The following NDUFAF4 variants were observed in gnomAD, a reference collection of about 807,000 sequenced individuals.
NDUFAF4 encodes the protein NADH:ubiquinone oxidoreductase complex assembly factor 4, also known as NADH dehydrogenase [ubiquinone] 1 alpha subcomplex assembly factor 4.
Under a neutral mutation model 15.6 loss-of-function variants are expected in NDUFAF4, and 10 were observed. That is an observed-to-expected ratio of 0.64 (90% confidence interval 0.40 to 1.09). NDUFAF4 has a LOEUF of 1.09. NDUFAF4 is among the 50% of genes least tolerant of loss of function. The probability of loss-of-function intolerance (pLI) is 0.01; values close to 1 mark genes in which losing one functional copy is unlikely to be tolerated. For missense variants in NDUFAF4, 203 were observed against 207.3 expected (o/e 0.98, Z 0.13); for synonymous variants, 77 against 73.3 (o/e 1.05, Z -0.26).
chr6:96,893,660 A>C (rs1282272626), intron 2 of NDUFAF4, among the ~76,000 whole-genome samples: 2 of 152,092 alleles, frequency 1.3e-5, no homozygotes, highest in Non-Finnish European at 1.5e-5. Flanking sequence ...TCTAATTAAT[A>C]GTCAATACTA....
chr6:96,893,669 T>C (rs1775339981), intron 2 of NDUFAF4, among the ~76,000 whole-genome samples: 1 of 148,076 alleles, frequency 6.8e-6, no homozygotes, highest in African/African-American at 2.5e-5. Context: ...TAGTCAATAC[T>C]AAAATAAATA....
In NDUFAF4 at chr6:96,890,256, G is replaced by C. The variant is rs1417174273; in HGVS notation, c.*848C>G. 1.3e-5 allele frequency: 2 copies of C among 151,942 alleles called. No individual in the cohort carries two copies. Among genetic ancestry groups the C allele is most frequent in the African/African-American group, 4.8e-5 (2 of 41,328 alleles). The allele number at this position is 151,942 out of a possible 1,614,324, so 9.4% of individuals were successfully genotyped here. A position where few individuals can be genotyped will look rare whatever the true frequency, so the allele number is the denominator to read the frequency against. On this transcript the variant is annotated 3_prime_UTR_variant, in exon 3 of 3. Transcript: ENST00000316149. ...CTTCTCTCAACTAGCATTAACATCC[G>C]AAACTATATGTAATCACCAAATTTC... is the stretch of plus-strand genomic sequence containing the variant.
intron 1 of NDUFAF4, among the ~76,000 whole-genome samples, 156 bp downstream of exon 1, chr6:96,897,510 G>T (rs1007733802): frequency 6.6e-6 from 1 of 151,842 alleles, no homozygotes; most frequent in Non-Finnish European, 1.5e-5. Flanking sequence ...AATGTCACCG[G>T]CCTGGCGGCT....
intron 2 of NDUFAF4, among the ~76,000 whole-genome samples, chr6:96,893,324 A>G (rs1775336529): frequency 6.6e-6 from 1 of 152,152 alleles, no homozygotes; most frequent in African/African-American, 2.4e-5. Flanking sequence ...ATCACTTTTG[A>G]CCATTAACTC....
At chr6:96,896,624 G>GTA in intron 2 of NDUFAF4, 120 bp downstream of exon 2, 1 of 832,258 alleles carries the variant, frequency 1.2e-6, no homozygotes, top group South Asian at 1.4e-5. Context: ...GCCAAGGCGT[G>GTA]TAGATTGATC....
intron 1 of NDUFAF4, among the ~76,000 whole-genome samples, chr6:96,897,291 G>T (rs1258768750): frequency 6.6e-6 from 1 of 152,112 alleles, no homozygotes; most frequent in Non-Finnish European, 1.5e-5. Flanking sequence ...ACTTTAGATG[G>T]AAATCAAAAT....
intron 2 of NDUFAF4, among the ~76,000 whole-genome samples, chr6:96,895,276 C>T (rs138698206): frequency 3.4e-4 from 51 of 152,144 alleles, no homozygotes; most frequent in African/African-American, 1.2e-3. Context: ...TATTCCTTTA[C>T]CACAAAAGGC....
Position 96,896,273 on chromosome 6 carries a change from C to T in NDUFAF4, c.240+471G>A, listed in dbSNP as rs138244102. The stretch of plus-strand genomic sequence containing the variant: ...CCCATTCCTAATGTATTCTTTGATC[C>T]TTCTAATTTTAAATATCCTATCTGA... On this transcript the variant is annotated intron_variant, in intron 2 of 2. Transcript: ENST00000316149. The T allele has an allele frequency of 1.4e-3, 244 of 178,068 alleles. 1 individual carries two copies. Among genetic ancestry groups the T allele is most frequent in the African/African-American group, 5.4e-3 (224 of 41,828 alleles). The allele number at this position is 178,068 out of a possible 1,614,324, so 11.0% of individuals were successfully genotyped here. A position where few individuals can be genotyped will look rare whatever the true frequency, so the allele number is the denominator to read the frequency against.
At chr6:96,892,869 T>C (rs947534766) in intron 2 of NDUFAF4, among the ~76,000 whole-genome samples, 1 of 152,130 alleles carries the variant, frequency 6.6e-6, no homozygotes, top group African/African-American at 2.4e-5. Flanking sequence ...TAACTTCCAT[T>C]ACTGCCTACA....
In NDUFAF4 at chr6:96,897,357, G is replaced by A. The variant is rs7771745; in HGVS notation, c.136+309C>T. 0.28 allele frequency among the ~76,000 whole-genome samples: 43,034 copies of A among 152,184 alleles called. 6,135 individuals carry two copies. The highest frequency in any genetic ancestry group is 0.32 in the South Asian group (1,533 of 4,828). On this transcript the variant is annotated intron_variant, in intron 1 of 2. Transcript: ENST00000316149. The stretch of plus-strand genomic sequence containing the variant: ...TGAAGACCCCTAGAGAAAGCTCTGT[G>A]ACCCTCTCGGATTTTGATTCCCTGT...
Position 96,891,233 on chromosome 6 carries a change from C to A in NDUFAF4, c.399G>T (p.Trp133Cys), listed in dbSNP as rs781699972. 40 of 1,613,504 alleles carry A rather than the reference C, an allele frequency of 2.5e-5. No individual in the cohort carries two copies. The highest frequency in any genetic ancestry group is 3.2e-5 in the Non-Finnish European group (38 of 1,179,780). ...ATTCCTGCATTATTTTCTCAGCAGT[C>A]CAGGTTTCTGGGAAAAGCTTATGAT... ...LNNHKLFPET[W>C]TAEKIMQEYQ... The change falls in exon 3 of 3, where the codon TGG becomes TGT. Residue 133 changes from tryptophan (W) to cysteine (C), a missense_variant. Transcript: ENST00000316149.
At chr6:96,894,426 C>T (rs1775347352) in intron 2 of NDUFAF4, among the ~76,000 whole-genome samples, 1 of 152,090 alleles carries the variant, frequency 6.6e-6, no homozygotes, top group Non-Finnish European at 1.5e-5. Context: ...TAAAGTGCTT[C>T]CTTCAAGTGA....
chr6:96,897,852 C>G lies in NDUFAF4; in HGVS notation c.-51G>C. ...TTCAGGCCGCACGTGGGAACACCGGCGCAGGACAACTCCGGGACACCCGGA... is the reference window on the plus strand; with the variant it reads ...TTCAGGCCGCACGTGGGAACACCGGGGCAGGACAACTCCGGGACACCCGGA... On this transcript the variant is annotated 5_prime_UTR_variant, in exon 1 of 3. Transcript: ENST00000316149. 1.2e-6 allele frequency: 2 copies of G among 1,612,584 alleles called. No homozygotes were observed. Among genetic ancestry groups the G allele is most frequent in the Non-Finnish European group, 1.7e-6 (2 of 1,179,282 alleles).
rs1775301770 is a variant in NDUFAF4 at position 96,890,529 on chromosome 6, T to C, written c.*575A>G. 6.6e-6 allele frequency: 1 copy of C among 152,442 alleles called. No homozygotes were observed. The highest frequency in any genetic ancestry group is 1.5e-5 in the Non-Finnish European group (1 of 68,262). The allele number at this position is 152,442 out of a possible 1,614,324, so 9.4% of individuals were successfully genotyped here. A position where few individuals can be genotyped will look rare whatever the true frequency, so the allele number is the denominator to read the frequency against. Reference sequence around the variant, plus strand: ...CAATTATTCCATACTTAAAACCAATTCAAAATAAAATAAATCCTCAATACT... The same window carrying C: ...CAATTATTCCATACTTAAAACCAATCCAAAATAAAATAAATCCTCAATACT... On this transcript the variant is annotated 3_prime_UTR_variant, in exon 3 of 3. Coordinates refer to ENST00000316149, the MANE Select transcript of NDUFAF4 (RefSeq NM_014165.4).
chr6:96,892,547 G>C (rs947566017), intron 2 of NDUFAF4, among the ~76,000 whole-genome samples: 4 of 152,058 alleles, frequency 2.6e-5, no homozygotes, highest in Admixed American at 1.3e-4. Flanking sequence ...AAGAAATAAT[G>C]CTTGCTATCT....
rs752351676 is a variant in NDUFAF4, at chr6:96,896,863, A to C, written c.137-16T>G. On this transcript the variant is annotated splice_polypyrimidine_tract_variant and intron_variant, in intron 1 of 2. Coordinates refer to ENST00000316149, the MANE Select transcript of NDUFAF4 (RefSeq NM_014165.4). ...TCTGGATAGACTAAGGAAAGGAAAA[A>C]AGTCACAATATTAAAATCAAGGAAA... 2 of 1,566,750 alleles carry C rather than the reference A, an allele frequency of 1.3e-6. No individual in the cohort carries two copies. The highest frequency in any genetic ancestry group is 1.4e-5 in the African/African-American group (1 of 74,030).
intron 1 of NDUFAF4, among the ~76,000 whole-genome samples, chr6:96,897,311 G>C (rs957219710): frequency 1.3e-5 from 2 of 152,164 alleles, no homozygotes; most frequent in African/African-American, 4.8e-5. Flanking sequence ...TTCCAGGTCA[G>C]GCTCTGCGTC....
chr6:96,897,774 T>C lies in NDUFAF4; in HGVS notation c.28A>G (p.Arg10Gly), dbSNP rs1477782607. 6.2e-7 allele frequency: 1 copy of C among 1,614,200 alleles called. No individual in the cohort carries two copies. The highest frequency in any genetic ancestry group is 8.5e-7 in the Non-Finnish European group (1 of 1,180,004). The part of the protein sequence containing the change: MGALVIRGI[R>G]NFNLENRAER... ...GCTCGGTTCTCTAGGTTGAAATTCC[T>C]GATACCGCGAATCACTAGTGCTCCC... The change falls in exon 1 of 3, where the codon AGG becomes GGG. Residue 10 changes from arginine (R) to glycine (G), a missense_variant. Physicochemically the swap from Arg to Gly is moderately radical, Grantham distance 125. Transcript: ENST00000316149.
chr6:96,894,022 T>C (rs897104479), intron 2 of NDUFAF4, among the ~76,000 whole-genome samples: 4 of 152,128 alleles, frequency 2.6e-5, no homozygotes, highest in Admixed American at 2.6e-4. Flanking sequence ...AACCTAGCAA[T>C]GTGGGTAGCT....
Sources: allele counts gnomAD v4.1 joint callset (sites outside exome capture counted in the v4.1 genomes callset), GRCh38; gene constraint gnomAD v4.1.1; transcripts MANE v1.5; gene names NCBI Gene and HGNC (gene_info 2026-07-23, HGNC 2026-07-21).